KCNU1: variants seen among roughly 807,000 people sequenced by gnomAD.
KCNU1 encodes potassium channel subfamily U member 1.
KCNU1 carries 93 observed loss-of-function variants against 126.8 expected under a neutral mutation model. The observed-to-expected ratio is 0.73, with a 90% confidence interval of 0.62 to 0.87. KCNU1 has a LOEUF of 0.87. Ranked by LOEUF, KCNU1 falls within the 40% of genes least tolerant of loss-of-function variation. The pLI, the probability that KCNU1 is intolerant of heterozygous loss-of-function variation, is 0.00. For synonymous variants in KCNU1, 523 were observed against 494.2 expected (o/e 1.06, Z -0.77); for missense variants, 1,330 against 1,367.1 (o/e 0.97, Z 0.43).
chr8:36,854,472 C>CT (rs35097649), intron 18 of KCNU1, among the ~76,000 whole-genome samples: 55,165 of 135,332 alleles, frequency 0.41, 11,162 homozygotes, highest in Admixed American at 0.45. Flanking sequence ...TATGCTGATT[C>CT]TTTTTTTTTT....
At chr8:36,890,099 A>C (rs1176302197) in intron 19 of KCNU1, among the ~76,000 whole-genome samples, 1 of 152,118 alleles carries the variant, frequency 6.6e-6, no homozygotes, top group Admixed American at 6.6e-5. Context: ...AGACTTCCTC[A>C]AACAAAAACT....
intron 19 of KCNU1, among the ~76,000 whole-genome samples, chr8:36,903,354 G>C (rs972210561): frequency 1.3e-5 from 2 of 152,138 alleles, no homozygotes; most frequent in African/African-American, 4.8e-5. Context: ...CCCTAACCCT[G>C]CAGCATGAAG....
chr8:36,827,233 T>G (rs1011122906), intron 10 of KCNU1, among the ~76,000 whole-genome samples: 1 of 152,230 alleles, frequency 6.6e-6, no homozygotes, highest in Non-Finnish European at 1.5e-5. Flanking sequence ...TGAAACTCTC[T>G]GTACTTCCCA....
At chr8:36,805,629 G>T (rs74720773) in intron 4 of KCNU1, among the ~76,000 whole-genome samples, 1 of 152,020 alleles carries the variant, frequency 6.6e-6, no homozygotes, top group Admixed American at 6.6e-5. Flanking sequence ...AGCTCCACTG[G>T]TGGCATGCCT....
At chr8:36,822,408 G>T (rs968368678) in intron 10 of KCNU1, among the ~76,000 whole-genome samples, 3 of 151,916 alleles carry the variant, frequency 2.0e-5, no homozygotes, top group Non-Finnish European at 2.9e-5. Context: ...TCCTATAAAG[G>T]ACTCTAACAA....
At chr8:36,826,562 T>G (rs1015254625) in intron 10 of KCNU1, among the ~76,000 whole-genome samples, 1 of 152,180 alleles carries the variant, frequency 6.6e-6, no homozygotes, top group African/African-American at 2.4e-5. Flanking sequence ...TCCCTTTTTA[T>G]ATCTCTGTGT....
In KCNU1 at chr8:36,839,204, C is replaced by T. The variant is rs554563358; in HGVS notation, c.1519-1259C>T. Among the ~76,000 whole-genome samples the T allele has an allele frequency of 8.7e-4, 132 of 152,202 alleles. 1 individual carries two copies. The highest frequency in any genetic ancestry group is 3.1e-3 in the African/African-American group (127 of 41,520). On this transcript the variant is annotated intron_variant, in intron 14 of 26. Transcript: ENST00000399881. Reference sequence around the variant, plus strand: ...AGCTCGAAGAACATTTCCAGTTGGTCCTGGGTTCAGAGCATGGCCTTAAAC... The same window carrying T: ...AGCTCGAAGAACATTTCCAGTTGGTTCTGGGTTCAGAGCATGGCCTTAAAC...
chr8:36,921,932 C>CTT (rs1250539055), intron 23 of KCNU1, among the ~76,000 whole-genome samples: 1 of 152,152 alleles, frequency 6.6e-6, no homozygotes, highest in Non-Finnish European at 1.5e-5. Context: ...CACGTAGACT[C>CTT]TCAGCCCTCA....
chr8:36,874,188 A>G (rs2117374205), intron 19 of KCNU1, among the ~76,000 whole-genome samples: 1 of 152,220 alleles, frequency 6.6e-6, no homozygotes, highest in African/African-American at 2.4e-5. Context: ...CTCCCTGGAA[A>G]CCTACTCAAT....
intron 19 of KCNU1, among the ~76,000 whole-genome samples, chr8:36,889,855 G>C (rs1048755743): frequency 1.3e-5 from 2 of 151,886 alleles, no homozygotes; most frequent in African/African-American, 4.8e-5. Context: ...AGAGAAAATT[G>C]CAAAAGAACC....
chr8:36,790,466 G>A (rs1344641518), intron 2 of KCNU1, among the ~76,000 whole-genome samples: 1 of 150,710 alleles, frequency 6.6e-6, no homozygotes, highest in Non-Finnish European at 1.5e-5. Context: ...TAAATAGCTA[G>A]TCTATAAAAA....
chr8:36,909,183 T>G (rs1257859850), intron 20 of KCNU1, 128 bp from the exon 21 acceptor site: 1 of 659,152 alleles, frequency 1.5e-6, no homozygotes, highest in African/African-American at 1.8e-5. Context: ...TTTGCAAAAT[T>G]CTATTCACCT....
chr8:36,805,945 G>C (rs1019327091), intron 4 of KCNU1, among the ~76,000 whole-genome samples: 1 of 152,154 alleles, frequency 6.6e-6, no homozygotes, highest in African/African-American at 2.4e-5. Flanking sequence ...CCAGGTTCCA[G>C]TGGTTCTCCT....
chr8:36,822,060 T>A (rs1269215401), intron 10 of KCNU1, among the ~76,000 whole-genome samples: 1 of 152,020 alleles, frequency 6.6e-6, no homozygotes, highest in Non-Finnish European at 1.5e-5. Flanking sequence ...AAAAGTGGAG[T>A]CCATTTTCCC....
chr8:36,848,212 T>A (rs759859295), intron 18 of KCNU1, among the ~76,000 whole-genome samples: 1 of 152,240 alleles, frequency 6.6e-6, no homozygotes, highest in Non-Finnish European at 1.5e-5. Context: ...GTCAGATGAA[T>A]GGTTTGCAAA....
rs78209448 is a variant in KCNU1 at position 36,878,096 on chromosome 8, T to C, written c.2009+13575T>C. 0.018 allele frequency among the ~76,000 whole-genome samples: 2,734 copies of C among 152,272 alleles called. 175 individuals carry two copies. In the East Asian group the frequency reaches 0.22, roughly 12 times the overall value. The stretch of plus-strand genomic sequence containing the variant: ...CATCCCAACAATATCTAGCTTCTCA[T>C]TATAAAGAATGATCTCTTTTCAAAC... On this transcript the variant is annotated intron_variant, in intron 19 of 26. Transcript: ENST00000399881.
At chr8:36,830,906 C>G (rs1804519346) in intron 10 of KCNU1, among the ~76,000 whole-genome samples, 1 of 111,972 alleles carries the variant, frequency 8.9e-6, no homozygotes, top group South Asian at 3.8e-4. Context: ...TATCCCTCCC[C>G]CCTCCCCCCA....
At chr8:36,880,842 A>G (rs1407055858) in intron 19 of KCNU1, among the ~76,000 whole-genome samples, 4 of 152,158 alleles carry the variant, frequency 2.6e-5, no homozygotes, top group Non-Finnish European at 4.4e-5. Context: ...AGAAAATAAA[A>G]ACCTGGTAGA....
intron 18 of KCNU1, among the ~76,000 whole-genome samples, chr8:36,849,295 A>G (rs1473952555): frequency 6.6e-6 from 1 of 152,320 alleles, no homozygotes; most frequent in East Asian, 1.9e-4. Context: ...GCATGTATCA[A>G]TACCTCATTT....
Sources: gnomAD v4.1 joint callset for allele counts (sites outside exome capture counted in the v4.1 genomes callset) on GRCh38, gnomAD v4.1.1 for gene constraint, MANE v1.5 for transcripts, NCBI Gene and HGNC (gene_info 2026-07-23, HGNC 2026-07-21) for gene names.